RHCE: variants seen among roughly 807,000 people sequenced by gnomAD.
RHCE encodes Rh blood group CcEe antigens.
A neutral mutation model predicts 43.8 loss-of-function variants in RHCE; 22 were observed. That is an observed-to-expected ratio of 0.50 (90% CI 0.36 to 0.72). The LOEUF (loss-of-function observed/expected upper bound fraction) is 0.72, where lower values mean the gene tolerates loss of function less well. Ranked by LOEUF, RHCE falls within the 30% of genes least tolerant of loss-of-function variation. RHCE has a pLI of 0.00. For missense variants in RHCE, 385 were observed against 525.4 expected, an observed-to-expected ratio of 0.73 and a Z score of 2.61; for synonymous variants, 156 against 210.7, an observed-to-expected ratio of 0.74 and a Z score of 2.25.
chr1:25,385,766 C>T lies in RHCE; in HGVS notation c.1018G>A (p.Glu340Lys). Residue 340 changes from glutamate to lysine, a missense_variant, in exon 7 of 10, where the codon GAG becomes AAG. Glu to Lys is a moderately conservative substitution (Grantham distance 56). Transcript: ENST00000294413. ...ACCAGCAGCACAATGTAGGTGATCTCTCCAAGCAGACCCAGCAAGCTGAAG... is the reference window on the plus strand; with the variant it reads ...ACCAGCAGCACAATGTAGGTGATCTTTCCAAGCAGACCCAGCAAGCTGAAG... ...SIFSLLGLLG[E>K]ITYIVLLVLH... 6.2e-7 allele frequency: 1 copy of T among 1,613,970 alleles called. No homozygotes were observed. The highest frequency in any genetic ancestry group is 8.5e-7 in the Non-Finnish European group (1 of 1,180,026).
chr1:25,429,667 T>C (rs1387119193), intron 1 of RHCE, among the ~76,000 whole-genome samples: 1 of 152,198 alleles, frequency 6.6e-6, no homozygotes, highest in Non-Finnish European at 1.5e-5. Flanking sequence ...TTCTATTTAA[T>C]AGCAATAGTA....
At chr1:25,385,515 T>C (rs1435545033) in intron 7 of RHCE, 196 bp downstream of exon 7, 1 of 787,794 alleles carries the variant, frequency 1.3e-6, no homozygotes, top group Non-Finnish European at 2.1e-6. Context: ...AAAGAAGAGG[T>C]GGCCTGGAGA....
chr1:25,392,562 C>CTTTTTT (rs1211993147), intron 3 of RHCE, among the ~76,000 whole-genome samples: 2 of 66,384 alleles, frequency 3.0e-5, no homozygotes, highest in African/African-American at 5.4e-5. Context: ...TGCCCGGCCT[C>CTTTTTT]TTTTTTTTTT....
chr1:25,422,042 AGAG>A (rs1056310436), upstream of RHCE, among the ~76,000 whole-genome samples: 17 of 152,146 alleles, frequency 1.1e-4, no homozygotes, highest in Admixed American at 9.8e-4. Flanking sequence ...TATGTAGATC[AGAG>A]GAGATTTTAA....
intron 7 of RHCE, among the ~76,000 whole-genome samples, chr1:25,379,465 A>G (rs1249888575): frequency 1.0e-3 from 12 of 11,552 alleles, no homozygotes; most frequent in Non-Finnish European, 2.0e-3. Flanking sequence ...ATATATATAT[A>G]TATATATATA....
At chr1:25,405,201 C>T (rs1438912610) in intron 2 of RHCE, among the ~76,000 whole-genome samples, 1 of 151,744 alleles carries the variant, frequency 6.6e-6, no homozygotes. Flanking sequence ...CTGCAGAAGA[C>T]AGAAAAATCA....
At chr1:25,403,832 T>C (rs543433774) in intron 2 of RHCE, among the ~76,000 whole-genome samples, 7 of 151,918 alleles carry the variant, frequency 4.6e-5, no homozygotes, top group African/African-American at 1.7e-4. Context: ...TATAAGAGCA[T>C]TTTGTAAAAC....
chr1:25,417,763 C>G (rs1647682753), intron 1 of RHCE, among the ~76,000 whole-genome samples: 2 of 152,128 alleles, frequency 1.3e-5, no homozygotes, highest in Admixed American at 6.5e-5. Context: ...TAACATATAA[C>G]CATGGTACAT....
At chr1:25,393,916 G>A (rs1410265112) in intron 3 of RHCE, among the ~76,000 whole-genome samples, 1 of 152,048 alleles carries the variant, frequency 6.6e-6, no homozygotes, top group African/African-American at 2.4e-5. Flanking sequence ...AAGCAATCGG[G>A]GTGCCTTGTC....
intron 7 of RHCE, 47 bp downstream of exon 7, chr1:25,385,664 G>T: frequency 6.2e-7 from 1 of 1,613,872 alleles, no homozygotes; most frequent in South Asian, 1.1e-5. Flanking sequence ...TTCTTCCTGA[G>T]TTGGAGGGGA....
chr1:25,380,936 T>C (rs1246616392), intron 7 of RHCE, among the ~76,000 whole-genome samples: 6 of 149,362 alleles, frequency 4.0e-5, no homozygotes, highest in Non-Finnish European at 4.5e-5. Flanking sequence ...GAGTCTCGCT[T>C]TGTCGCCCAG....
chr1:25,411,531 A>G, intron 1 of RHCE: 5 of 1,466,678 alleles, frequency 3.4e-6, no homozygotes, highest in Non-Finnish European at 4.6e-6. Context: ...ACCTGACACC[A>G]CCAGGATATA....
In RHCE at chr1:25,389,029, C is replaced by A. The variant is rs765959908; in HGVS notation, c.886G>T (p.Val296Leu). The A allele has an allele frequency of 6.2e-7, 1 of 1,614,110 alleles. No individual in the cohort carries two copies. Among genetic ancestry groups the A allele is most frequent in the Non-Finnish European group, 8.5e-7 (1 of 1,180,050 alleles). ...ATCAGCCCAGCCACAAGACCCAGCA[C>A]CATGGCAAGCCACGGAGAAGGGATC... ...HLIPSPWLAM[V>L]LGLVAGLISI... The change falls in exon 6 of 10, where the codon GTG (valine) becomes TTG (leucine). Residue 296 changes from valine (V) to leucine (L), a missense_variant. Transcript: ENST00000294413.
At position 25,402,206 on chromosome 1, in the gene RHCE, GTCTATCTATCTA is replaced by G. The variant is rs56985100; in HGVS notation, c.486+378_486+389del. 1.9e-4 allele frequency among the ~76,000 whole-genome samples: 25 copies of G among 130,474 alleles called. No homozygotes were observed. The East Asian group carries it at 2.1e-3, about 11-fold the overall frequency. 85.6% of individuals were successfully genotyped at this position (130,474 alleles called of 152,430 possible). ...TGTCTGTCTGTCTGTCTGTCTGTCT[GTCTATCTATCTA>G]TCTATCTATCTATCTATCTATCTAT... On this transcript the variant is annotated intron_variant, in intron 3 of 9. Coordinates refer to ENST00000294413, the MANE Select transcript of RHCE (RefSeq NM_020485.8).
At chr1:25,386,110 C>A (rs1646150235) in intron 6 of RHCE, among the ~76,000 whole-genome samples, 1 of 152,164 alleles carries the variant, frequency 6.6e-6, no homozygotes. Flanking sequence ...CATCTACGGA[C>A]CACACTATGA....
chr1:25,414,621 T>G (rs1281704175), intron 1 of RHCE, among the ~76,000 whole-genome samples: 1 of 152,188 alleles, frequency 6.6e-6, no homozygotes, highest in Non-Finnish European at 1.5e-5. Flanking sequence ...AGCCCCTCTC[T>G]CTGCCTTTGA....
chr1:25,398,734 G>T, intron 3 of RHCE: 1 of 1,601,142 alleles, frequency 6.2e-7, no homozygotes, highest in African/African-American at 1.4e-5. Flanking sequence ...GCGGTTCTCT[G>T]GAGGCTGAGT....
upstream of RHCE, among the ~76,000 whole-genome samples, chr1:25,424,521 G>A (rs912599507): frequency 1.3e-5 from 2 of 152,094 alleles, no homozygotes; most frequent in Non-Finnish European, 2.9e-5. Context: ...CCGAGTAGCT[G>A]GGATTATAGG....
chr1:25,418,785 C>A (rs925301627), intron 1 of RHCE, among the ~76,000 whole-genome samples: 5 of 152,236 alleles, frequency 3.3e-5, no homozygotes, highest in African/African-American at 1.2e-4. Context: ...CCAGAAGCCT[C>A]CCCTGACACC....
Sources: allele counts gnomAD v4.1 joint callset (sites outside exome capture counted in the v4.1 genomes callset), GRCh38; gene constraint gnomAD v4.1.1; transcripts MANE v1.5; gene names NCBI Gene and HGNC (gene_info 2026-07-23, HGNC 2026-07-21).